The following MTNR1B variants were observed in gnomAD, a reference collection of about 807,000 sequenced individuals.
MTNR1B encodes the protein melatonin receptor type 1B.
A neutral mutation model predicts 7.0 loss-of-function variants in MTNR1B; 7 were observed. The ratio of observed to expected loss-of-function variants is 1.00; its 90% CI spans 0.57 to 1.88. MTNR1B has a LOEUF of 1.88. Ranked by LOEUF, MTNR1B falls within the 40% of genes most tolerant of loss-of-function variation. The pLI is 0.00. For missense variants in MTNR1B, 478 were observed against 486.5 expected (o/e 0.98, Z 0.16); for synonymous variants, 226 against 208.2 (o/e 1.09, Z -0.74).
intron 1 of MTNR1B, among the ~76,000 whole-genome samples, chr11:92,974,168 G>A (rs1857975560): frequency 6.6e-6 from 1 of 152,192 alleles, no homozygotes; most frequent in African/African-American, 2.4e-5. Flanking sequence ...CCCTACCCAT[G>A]TCTCATCTTG....
chr11:92,984,531 T>A (rs1052866549), downstream of MTNR1B, among the ~76,000 whole-genome samples: 1 of 152,222 alleles, frequency 6.6e-6, no homozygotes, highest in Non-Finnish European at 1.5e-5. Flanking sequence ...TATTGTTTTC[T>A]GTTCTTGCTG....
At chr11:92,980,483 C>T (rs1858084784) in intron 1 of MTNR1B, among the ~76,000 whole-genome samples, 2 of 152,188 alleles carry the variant, frequency 1.3e-5, no homozygotes, top group Non-Finnish European at 2.9e-5. Flanking sequence ...AACGCAAACA[C>T]TTGAGGAGCA....
Position 92,981,775 on chromosome 11 carries a change from C to A in MTNR1B, c.552C>A (p.Asp184Glu), listed in dbSNP as rs756346382. The A allele has an allele frequency of 4.3e-6, 7 of 1,614,216 alleles. No homozygotes were observed. In the South Asian group the frequency reaches 5.5e-5, roughly 13 times the overall value. Residue 184 changes from aspartate (D) to glutamate (E), a missense_variant, in exon 2 of 2, where the codon GAC becomes GAA. Physicochemically the swap from Asp to Glu is conservative, Grantham distance 45 (BLOSUM62 2). Coordinates refer to ENST00000257068, the MANE Select transcript of MTNR1B (RefSeq NM_005959.5). ...PNFFVGSLEYDPRIYSCTFIQ... is the reference protein window; with the variant it reads ...PNFFVGSLEYEPRIYSCTFIQ... ...TCTTTGTGGGGTCCCTGGAGTACGA[C>A]CCACGCATCTATTCCTGCACCTTCA...
intron 1 of MTNR1B, among the ~76,000 whole-genome samples, chr11:92,977,632 A>G (rs528052046): frequency 6.6e-6 from 1 of 152,252 alleles, no homozygotes; most frequent in East Asian, 1.9e-4. Context: ...TTGACTCACA[A>G]ATTCCCCACT....
chr11:92,970,805 C>T (rs2136508109), intron 1 of MTNR1B, among the ~76,000 whole-genome samples: 1 of 152,210 alleles, frequency 6.6e-6, no homozygotes, highest in Non-Finnish European at 1.5e-5. Flanking sequence ...GCAGTTTCTT[C>T]AAGTTGGGCC....
intron 1 of MTNR1B, among the ~76,000 whole-genome samples, chr11:92,970,430 G>T (rs867973202): frequency 2.0e-5 from 3 of 152,200 alleles, no homozygotes; most frequent in Non-Finnish European, 2.9e-5. Flanking sequence ...AGTAGGTTTT[G>T]TGTCAAAAAC....
At chr11:92,979,025 C>A (rs903544559) in intron 1 of MTNR1B, among the ~76,000 whole-genome samples, 2 of 152,160 alleles carry the variant, frequency 1.3e-5, no homozygotes, top group African/African-American at 4.8e-5. Context: ...AGAAGTGATT[C>A]TCTTCACAGA....
chr11:92,970,397 G>T (rs1206375816), intron 1 of MTNR1B, among the ~76,000 whole-genome samples: 1 of 152,190 alleles, frequency 6.6e-6, no homozygotes, highest in African/African-American at 2.4e-5. Flanking sequence ...CTGAAAAAAT[G>T]AGTTAATCAA....
intron 1 of MTNR1B, among the ~76,000 whole-genome samples, chr11:92,970,267 C>A (rs1432521228): frequency 1.3e-5 from 2 of 152,208 alleles, no homozygotes; most frequent in Non-Finnish European, 2.9e-5. Flanking sequence ...CGCTCCAATG[C>A]GTGTCTTTCC....
At chr11:92,971,828 G>C (rs1005874919) in intron 1 of MTNR1B, among the ~76,000 whole-genome samples, 1 of 152,146 alleles carries the variant, frequency 6.6e-6, no homozygotes, top group African/African-American at 2.4e-5. Context: ...CAGTTTAAGA[G>C]CATCACTGGG....
chr11:92,978,990 G>A (rs570778482), intron 1 of MTNR1B, among the ~76,000 whole-genome samples: 17 of 152,268 alleles, frequency 1.1e-4, no homozygotes, highest in Middle Eastern at 6.8e-3. Context: ...CGGGTCCTAT[G>A]GAGACTCATC....
chr11:92,969,749 C>A lies in MTNR1B; in HGVS notation c.24C>A (p.Ala8=). MSENGSF[A]NCCEAGGWAV... is the part of the protein sequence containing the mutation. Reference sequence around the variant, plus strand: ...CGATGTCAGAGAACGGCTCCTTCGCCAACTGCTGCGAGGCGGGCGGGTGGG... The same window carrying A: ...CGATGTCAGAGAACGGCTCCTTCGCAAACTGCTGCGAGGCGGGCGGGTGGG... The change falls in exon 1 of 2, where the codon GCC becomes GCA. Residue 8 remains alanine, a synonymous_variant. Transcript: ENST00000257068. 1 of 1,494,824 alleles carries A rather than the reference C, an allele frequency of 6.7e-7. No individual in the cohort carries two copies. The highest frequency in any genetic ancestry group is 1.3e-5 in the South Asian group (1 of 76,758). 92.6% of individuals were successfully genotyped at this position (1,494,824 alleles called of 1,614,324 possible).
chr11:92,983,297 C>T (rs1858149441), downstream of MTNR1B, among the ~76,000 whole-genome samples: 1 of 152,080 alleles, frequency 6.6e-6, no homozygotes, highest in African/African-American at 2.4e-5. Flanking sequence ...CTCACCCCTG[C>T]CTCAGCTTGA....
chr11:92,978,191 C>A (rs1858041301), intron 1 of MTNR1B, among the ~76,000 whole-genome samples: 1 of 152,214 alleles, frequency 6.6e-6, no homozygotes, highest in South Asian at 2.1e-4. Context: ...TTCCAGAATT[C>A]TCCTATCTGA....
chr11:92,981,657 G>A lies in MTNR1B; in HGVS notation c.434G>A (p.Ser145Asn). The change falls in exon 2 of 2, where the codon AGC (serine) becomes AAC (asparagine). Residue 145 changes from serine (S) to asparagine (N), a missense_variant. Coordinates refer to ENST00000257068, the MANE Select transcript of MTNR1B (RefSeq NM_005959.5). ...AINRYCYICH[S>N]MAYHRIYRRW... ...AACCGCTACTGCTACATCTGCCACA[G>A]CATGGCCTACCACCGAATCTACCGG... 1 of 1,614,154 alleles carries A rather than the reference G, an allele frequency of 6.2e-7. No homozygotes were observed. Among genetic ancestry groups the A allele is most frequent in the Non-Finnish European group, 8.5e-7 (1 of 1,180,028 alleles).
chr11:92,979,704 G>A (rs868107401), intron 1 of MTNR1B, among the ~76,000 whole-genome samples: 2 of 152,224 alleles, frequency 1.3e-5, no homozygotes, highest in East Asian at 3.9e-4. Flanking sequence ...TTATAGTTAG[G>A]TCTTGAGAAC....
Position 92,969,662 on chromosome 11 carries a change from T to C in MTNR1B, c.-64T>C. The C allele has an allele frequency of 1.5e-6, 2 of 1,366,786 alleles. No homozygotes were observed. Among genetic ancestry groups the C allele is most frequent in the Non-Finnish European group, 1.9e-6 (2 of 1,060,500 alleles). 84.7% of individuals were successfully genotyped at this position (1,366,786 alleles called of 1,614,324 possible). On this transcript the variant is annotated 5_prime_UTR_variant, in exon 1 of 2. Transcript: ENST00000257068. ...GGGAAGAGAGCGCCCGGCTCAGTAC[T>C]GCGCGCGCCCTGCGGCTGTCCGGGG...
downstream of MTNR1B, among the ~76,000 whole-genome samples, chr11:92,983,811 T>C (rs1456319002): frequency 6.6e-6 from 1 of 152,172 alleles, no homozygotes; most frequent in Non-Finnish European, 1.5e-5. Context: ...GTAATATCCA[T>C]TGGTGCTTTC....
chr11:92,980,234 C>T (rs1473292307), intron 1 of MTNR1B, among the ~76,000 whole-genome samples: 1 of 152,238 alleles, frequency 6.6e-6, no homozygotes, highest in Non-Finnish European at 1.5e-5. Context: ...GGAGGCTTCA[C>T]CATGTGGCAA....
Sources: gnomAD v4.1 joint callset for allele counts (sites outside exome capture counted in the v4.1 genomes callset) on GRCh38, gnomAD v4.1.1 for gene constraint, MANE v1.5 for transcripts, NCBI Gene and HGNC (gene_info 2026-07-23, HGNC 2026-07-21) for gene names.